The following LRIT1 variants were observed in gnomAD, a reference collection of about 807,000 sequenced individuals.
LRIT1 encodes leucine rich repeat, Ig-like and transmembrane domains 1.
LRIT1 carries 23 observed loss-of-function variants against 24.0 expected under a neutral mutation model. That is an observed-to-expected ratio of 0.96 (90% CI 0.69 to 1.36). The LOEUF (loss-of-function observed/expected upper bound fraction) is 1.36. Ranked by LOEUF, LRIT1 falls within the 40% of genes most tolerant of loss-of-function variation. The pLI, the probability that LRIT1 is intolerant of heterozygous loss-of-function variation, is 0.00. For synonymous variants in LRIT1, 361 were observed against 340.5 expected, an observed-to-expected ratio of 1.06 and a Z score of -0.66; for missense variants, 846 against 806.3, an observed-to-expected ratio of 1.05 and a Z score of -0.60.
rs528448845 is a variant in LRIT1, at chr10:84,232,659, G to A, written c.1140C>T (p.Ala380=). The A allele has an allele frequency of 5.1e-4, 820 of 1,613,602 alleles. 9 individuals carry two copies. In the South Asian group the frequency reaches 8.5e-3, roughly 17 times the overall value. Reference sequence around the variant, plus strand: ...GTTTGGGAATCTGGGGGACATGCCTGGCCACCAGCTTGTTGTTGTAAGCAG... The same window carrying A: ...GTTTGGGAATCTGGGGGACATGCCTAGCCACCAGCTTGTTGTTGTAAGCAG... The part of the protein sequence containing the change: ...EAAAYNNKLV[A]RHVPQIPKPA... Residue 380 remains alanine, a synonymous_variant, in exon 4 of 4, where the codon GCC becomes GCT. Coordinates refer to ENST00000372105, the MANE Select transcript of LRIT1 (RefSeq NM_015613.3).
Position 84,236,112 on chromosome 10 carries a change from T to C in LRIT1, c.589+1108A>G, listed in dbSNP as rs1054819138. Among the ~76,000 whole-genome samples the C allele has an allele frequency of 2.6e-5, 4 of 151,562 alleles. No individual in the cohort carries two copies. In the South Asian group the frequency reaches 8.4e-4, roughly 32 times the overall value. On this transcript the variant is annotated intron_variant, in intron 2 of 3. Transcript: ENST00000372105. Reference sequence around the variant, plus strand: ...GAGATCGAGACCATCCTGGCTAACATGGTGAAACCCCGTCTCTACTAAATA... The same window carrying C: ...GAGATCGAGACCATCCTGGCTAACACGGTGAAACCCCGTCTCTACTAAATA...
intron 1 of LRIT1, among the ~76,000 whole-genome samples, chr10:84,238,599 C>A (rs1213648197): frequency 6.6e-6 from 1 of 152,110 alleles, no homozygotes; most frequent in Non-Finnish European, 1.5e-5. Context: ...CATTAGGTAA[C>A]CTCTCTTTTC....
At position 84,234,063 on chromosome 10, in the gene LRIT1, G is replaced by C. The variant is rs1197976228; in HGVS notation, c.895+10C>G. The C allele has an allele frequency of 6.7e-7, 1 of 1,489,366 alleles. No individual in the cohort carries two copies. Among genetic ancestry groups the C allele is most frequent in the East Asian group, 2.4e-5 (1 of 42,144 alleles). The allele number at this position is 1,489,366 out of a possible 1,614,324, so 92.3% of individuals were successfully genotyped here. A position where few individuals can be genotyped will look rare whatever the true frequency, so the allele number is the denominator to read the frequency against. On this transcript the variant is annotated intron_variant, in intron 3 of 3. Coordinates refer to ENST00000372105, the MANE Select transcript of LRIT1 (RefSeq NM_015613.3). ...AGGTTCTCAGTGCAGCATCCCTGTA[G>C]CTCACATACCTGTACCATTAAGGGG...
Position 84,241,334 on chromosome 10 carries a change from C to T in LRIT1, c.106G>A (p.Asp36Asn), listed in dbSNP as rs1339802938. 6.2e-7 allele frequency: 1 copy of T among 1,613,838 alleles called. No individual in the cohort carries two copies. Among genetic ancestry groups the T allele is most frequent in the Non-Finnish European group, 8.5e-7 (1 of 1,179,974 alleles). Reference sequence around the variant, plus strand: ...GTACCATACCTGGCCTTGCTGCCATCACCCATGATATGGAGGCTGCAGCTG... The same window carrying T: ...GTACCATACCTGGCCTTGCTGCCATTACCCATGATATGGAGGCTGCAGCTG... ...QCSCSLHIMGDGSKARTVVCN... is the reference protein window; with the variant it reads ...QCSCSLHIMGNGSKARTVVCN... The change falls in exon 1 of 4, where the codon GAT becomes AAT. Residue 36 changes from aspartate (D) to asparagine (N), a missense_variant. Transcript: ENST00000372105.
At chr10:84,238,230 C>G (rs186577605) in intron 1 of LRIT1, among the ~76,000 whole-genome samples, 1 of 151,988 alleles carries the variant, frequency 6.6e-6, no homozygotes, top group East Asian at 1.9e-4. Context: ...TGGTGCACCC[C>G]TGTAGTCCCA....
intron 3 of LRIT1, among the ~76,000 whole-genome samples, chr10:84,233,687 G>A (rs908543134): frequency 5.9e-5 from 9 of 152,234 alleles, no homozygotes; most frequent in Non-Finnish European, 1.2e-4. Context: ...TGAAGAGCTC[G>A]ATAGATGGTA....
intron 1 of LRIT1, among the ~76,000 whole-genome samples, chr10:84,239,070 C>T (rs1842673990): frequency 6.6e-6 from 1 of 152,220 alleles, no homozygotes. Flanking sequence ...CTATGCTCCA[C>T]TTAAAGGCAG....
chr10:84,236,523 T>C (rs1026265847), intron 2 of LRIT1, among the ~76,000 whole-genome samples: 2 of 152,174 alleles, frequency 1.3e-5, no homozygotes, highest in African/African-American at 4.8e-5. Context: ...CTACGAGATA[T>C]AGTGTTGGGT....
chr10:84,238,648 T>C (rs975344106), intron 1 of LRIT1, among the ~76,000 whole-genome samples: 4 of 152,136 alleles, frequency 2.6e-5, no homozygotes, highest in South Asian at 2.1e-4. Context: ...AAGGTGGTTA[T>C]GGGGTTTAAA....
At chr10:84,239,067 C>T (rs908446470) in intron 1 of LRIT1, among the ~76,000 whole-genome samples, 1 of 152,182 alleles carries the variant, frequency 6.6e-6, no homozygotes, top group Admixed American at 6.5e-5. Flanking sequence ...AGTCTATGCT[C>T]CACTTAAAGG....
intron 1 of LRIT1, among the ~76,000 whole-genome samples, chr10:84,239,537 G>C (rs1042894772): frequency 2.6e-5 from 4 of 152,196 alleles, no homozygotes; most frequent in African/African-American, 9.7e-5. Flanking sequence ...TCTTGAACGG[G>C]AGAGAAAACG....
chr10:84,232,240 T>C lies in LRIT1; in HGVS notation c.1559A>G (p.Asp520Gly). The C allele has an allele frequency of 1.9e-6, 3 of 1,614,176 alleles. No individual in the cohort carries two copies. Among genetic ancestry groups the C allele is most frequent in the South Asian group, 1.1e-5 (1 of 91,088 alleles). ...GATAAGCTGCTGAGTGTTCTCAGCA[T>C]CCACCACTTCATTGGTGGAGAAAAT... ...CVIFSTNEVV[D>G]AENTQQLINV... The change falls in exon 4 of 4, where the codon GAT (aspartate) becomes GGT (glycine). Residue 520 changes from aspartate to glycine, a missense_variant. By Grantham distance (94) the Asp-to-Gly change is moderately conservative. Coordinates refer to ENST00000372105, the MANE Select transcript of LRIT1 (RefSeq NM_015613.3).
intron 2 of LRIT1, 90 bp downstream of exon 2, chr10:84,237,130 G>T: frequency 1.9e-6 from 2 of 1,053,814 alleles, no homozygotes. Flanking sequence ...AACCTGGAAG[G>T]AAGGTATGAT....
intron 3 of LRIT1, 65 bp from the exon 4 acceptor site, chr10:84,232,968 G>A: frequency 1.3e-6 from 2 of 1,540,638 alleles, no homozygotes; most frequent in East Asian, 2.3e-5. Flanking sequence ...TGCCTTTCAG[G>A]GCCAAGTTCA....
rs1204967870 is a variant in LRIT1 at position 84,231,797 on chromosome 10, CTGT to C, written c.*127_*129del. 6 of 964,660 alleles carry C rather than the reference CTGT, an allele frequency of 6.2e-6. No homozygotes were observed. In the South Asian group the frequency reaches 6.9e-5, roughly 11 times the overall value. The allele number at this position is 964,660 out of a possible 1,614,324, so 59.8% of individuals were successfully genotyped here. ...GTTGTTGCAGTAGCAGCTGCTGCTG[CTGT>C]TGTTGTGTGTAAGTATCTGAGTAAG... On this transcript the variant is annotated 3_prime_UTR_variant, in exon 4 of 4. Transcript: ENST00000372105.
intron 2 of LRIT1, among the ~76,000 whole-genome samples, chr10:84,235,478 G>C (rs1325489132): frequency 2.0e-5 from 3 of 152,196 alleles, no homozygotes; most frequent in African/African-American, 7.2e-5. Context: ...AATGTAAAAG[G>C]CAAAGTTAAA....
intron 2 of LRIT1, 129 bp from the exon 3 acceptor site, chr10:84,234,507 G>A (rs1201979502): frequency 8.2e-6 from 5 of 610,402 alleles, no homozygotes; most frequent in Non-Finnish European, 1.3e-5. Context: ...TCTGGACCCA[G>A]CTCCTTGCCT....
chr10:84,236,063 G>T (rs568139407), intron 2 of LRIT1, among the ~76,000 whole-genome samples: 1 of 151,684 alleles, frequency 6.6e-6, no homozygotes, highest in Non-Finnish European at 1.5e-5. Flanking sequence ...TTGGGAGGCC[G>T]AGGTGGGTGG....
intron 1 of LRIT1, among the ~76,000 whole-genome samples, chr10:84,238,391 T>C (rs934165746): frequency 8.6e-5 from 13 of 151,796 alleles, no homozygotes; most frequent in Non-Finnish European, 1.0e-4. Context: ...AAATTATACC[T>C]CAATTTTTGT....
Sources: allele counts gnomAD v4.1 joint callset (sites outside exome capture counted in the v4.1 genomes callset), GRCh38; gene constraint gnomAD v4.1.1; transcripts MANE v1.5; gene names NCBI Gene and HGNC (gene_info 2026-07-23, HGNC 2026-07-21).